MME: variants seen among roughly 807,000 people sequenced by gnomAD.
MME encodes the protein neprilysin.
A neutral mutation model predicts 113.2 loss-of-function variants in MME; 98 were observed. The observed-to-expected ratio is 0.87, with a 90% CI of 0.74 to 1.02. The LOEUF (loss-of-function observed/expected upper bound fraction) is 1.02, where lower values mean the gene tolerates loss of function less well. Among genes scored for constraint, MME ranks in the 50% least tolerant of loss-of-function variants. The pLI, the probability that MME is intolerant of heterozygous loss-of-function variation, is 0.00. For missense variants in MME, 836 were observed against 896.0 expected, an observed-to-expected ratio of 0.93 and a Z score of 0.86; for synonymous variants, 292 against 300.6, an observed-to-expected ratio of 0.97 and a Z score of 0.30.
intron 1 of MME, among the ~76,000 whole-genome samples, chr3:155,060,839 G>C (rs866477641): frequency 7.1e-5 from 10 of 141,306 alleles, no homozygotes; most frequent in African/African-American, 1.3e-4. Flanking sequence ...CAGAGAGAGA[G>C]AGAGAGAGAG....
chr3:155,041,957 C>G (rs1576665370), intron 1 of MME, among the ~76,000 whole-genome samples: 1 of 152,230 alleles, frequency 6.6e-6, no homozygotes, highest in East Asian at 1.9e-4. Context: ...CTAAATATTT[C>G]TAAGCTTTTA....
intron 8 of MME, among the ~76,000 whole-genome samples, chr3:155,119,244 G>T (rs1718890487): frequency 6.6e-6 from 1 of 152,092 alleles, no homozygotes; most frequent in African/African-American, 2.4e-5. Flanking sequence ...AGAGAACTAT[G>T]CAGGTAGTGA....
rs777476150 is a variant in MME at position 155,143,519 on chromosome 3, C to A, written c.1265C>A (p.Ala422Asp). 22 of 1,612,594 alleles carry A rather than the reference C, an allele frequency of 1.4e-5. No individual in the cohort carries two copies. Among genetic ancestry groups the A allele is most frequent in the Non-Finnish European group, 1.9e-5 (22 of 1,178,990 alleles). The change falls in exon 13 of 23, where the codon GCT becomes GAT. Residue 422 changes from alanine (A) to aspartate (D), a missense_variant. Ala to Asp is a moderately radical substitution (Grantham distance 126). Coordinates refer to ENST00000360490, the MANE Select transcript of MME (RefSeq NM_007289.4). Reference sequence around the variant, plus strand: ...TATGTCAATGGGAATATGGAAAATGCTGTGGGGAGGCTTTATGTGGAAGCA... The same window carrying A: ...TATGTCAATGGGAATATGGAAAATGATGTGGGGAGGCTTTATGTGGAAGCA... ...ANYVNGNMEN[A>D]VGRLYVEAAF... is the part of the protein sequence containing the mutation.
At chr3:155,147,111 T>C in intron 14 of MME, 33 bp from the exon 15 acceptor site, 2 of 1,339,482 alleles carry the variant, frequency 1.5e-6, no homozygotes, top group Non-Finnish European at 2.2e-6. Flanking sequence ...AGTTATATAA[T>C]CATCTTCACA....
At chr3:155,110,347 AGTG>A (rs752665880) in intron 3 of MME, among the ~76,000 whole-genome samples, 7 of 152,214 alleles carry the variant, frequency 4.6e-5, no homozygotes, top group Non-Finnish European at 8.8e-5. Context: ...ACAGCTAAAA[AGTG>A]GTGGAGCTCT....
At chr3:155,084,081 T>A (rs1715421721) in intron 1 of MME, 77 bp from the exon 2 acceptor site, 1 of 1,265,636 alleles carries the variant, frequency 7.9e-7, no homozygotes, top group Admixed American at 1.7e-5. Context: ...TTTACTTTTA[T>A]CCAGCCACAT....
At chr3:155,161,135 T>G (rs990545490) in intron 17 of MME, among the ~76,000 whole-genome samples, 1 of 152,136 alleles carries the variant, frequency 6.6e-6, no homozygotes, top group African/African-American at 2.4e-5. Context: ...TATTTTCTTC[T>G]TCTTGGGAAG....
intron 1 of MME, among the ~76,000 whole-genome samples, chr3:155,031,775 A>G (rs1373356678): frequency 6.6e-6 from 1 of 152,166 alleles, no homozygotes. Context: ...CTCCTGCCTC[A>G]GCCTCCCAAG....
chr3:155,043,865 T>A lies in MME; in HGVS notation c.-11+19541T>A, dbSNP rs181961818. 3.9e-5 allele frequency among the ~76,000 whole-genome samples: 6 copies of A among 152,254 alleles called. No individual in the cohort carries two copies. The East Asian group carries it at 9.7e-4, about 25-fold the overall frequency. On this transcript the variant is annotated intron_variant, in intron 1 of 22. Transcript: ENST00000492661. Reference sequence around the variant, plus strand: ...CTTGCTATACTTACATGTTTACTTTTACGAATTTACTCTGTTAGTATTTTG... The same window carrying A: ...CTTGCTATACTTACATGTTTACTTTAACGAATTTACTCTGTTAGTATTTTG...
At chr3:155,101,823 C>T (rs2108218056) in intron 3 of MME, among the ~76,000 whole-genome samples, 1 of 152,262 alleles carries the variant, frequency 6.6e-6, no homozygotes, top group East Asian at 1.9e-4. Flanking sequence ...AACCGGGATT[C>T]AGTCTCACTG....
At chr3:155,093,218 A>G (rs756816470) in intron 3 of MME, among the ~76,000 whole-genome samples, 10 of 152,142 alleles carry the variant, frequency 6.6e-5, no homozygotes, top group Non-Finnish European at 1.0e-4. Context: ...TTTTCAATGT[A>G]GTTTTCAAAT....
Position 155,183,242 on chromosome 3 carries a change from C to G in MME, c.*2783C>G, listed in dbSNP as rs1419289506. Reference sequence around the variant, plus strand: ...ATTCTGCCACTCCTGACAGGGTGACCTTGGGTATTTGCAATATTCCTTTGG... The same window carrying G: ...ATTCTGCCACTCCTGACAGGGTGACGTTGGGTATTTGCAATATTCCTTTGG... On this transcript the variant is annotated 3_prime_UTR_variant, in exon 23 of 23. Transcript: ENST00000360490. The G allele has an allele frequency of 6.6e-6, 1 of 152,110 alleles. No homozygotes were observed. Among genetic ancestry groups the G allele is most frequent in the Non-Finnish European group, 1.5e-5 (1 of 68,052 alleles). The allele number at this position is 152,110 out of a possible 1,614,324, so 9.4% of individuals were successfully genotyped here.
At chr3:155,078,045 TACACACACACAC>T (rs34585642), upstream of MME, among the ~76,000 whole-genome samples, 131 of 139,838 alleles carry the variant, frequency 9.4e-4, no homozygotes, top group African/African-American at 3.2e-3. Flanking sequence ...AAAGTAAAAG[TACACACACACAC>T]ACACACACAC....
intron 7 of MME, among the ~76,000 whole-genome samples, chr3:155,117,569 A>G (rs899530469): frequency 6.6e-6 from 1 of 150,766 alleles, no homozygotes; most frequent in African/African-American, 2.4e-5. Flanking sequence ...GAAAAATATA[A>G]AGAGTTTTTC....
chr3:155,163,745 G>T (rs954972625), intron 17 of MME, among the ~76,000 whole-genome samples: 1 of 152,078 alleles, frequency 6.6e-6, no homozygotes, highest in African/African-American at 2.4e-5. Flanking sequence ...AATACCTTGA[G>T]ATAGTTAAAT....
rs1719592287 is a variant in MME, at chr3:155,125,673, G to A, written c.720+6862G>A. Among the ~76,000 whole-genome samples the A allele has an allele frequency of 5.9e-5, 9 of 151,770 alleles. 1 individual carries two copies. The South Asian group carries it at 1.7e-3, about 28-fold the overall frequency. On this transcript the variant is annotated intron_variant, in intron 8 of 22. Transcript: ENST00000360490. ...ACGGGGTTTCACCATTTTGGCCAGT[G>A]TGGTCTCGAACTCCTGACTTTGTGG...
chr3:155,116,713 C>A lies in MME; in HGVS notation c.489C>A (p.Asp163Glu). 1 of 1,613,440 alleles carries A rather than the reference C, an allele frequency of 6.2e-7. No homozygotes were observed. The highest frequency in any genetic ancestry group is 1.1e-5 in the South Asian group (1 of 91,038). Residue 163 changes from aspartate (D) to glutamate (E), a missense_variant, in exon 6 of 23, where the codon GAC (aspartate) becomes GAA (glutamate). Physicochemically the swap from Asp to Glu is conservative, Grantham distance 45. Transcript: ENST00000360490. ...GGEPLLKLLP[D>E]IYGWPVATEN... ...AACCTCTACTCAAACTGTTACCAGA[C>A]ATATATGGGTGGCCAGTAGCAACAG...
At chr3:155,160,511 G>T in intron 17 of MME, 63 bp downstream of exon 17, 1 of 1,076,552 alleles carries the variant, frequency 9.3e-7, no homozygotes, top group Admixed American at 1.7e-5. Flanking sequence ...GTAGTGCATT[G>T]TATGACCAAT....
At chr3:155,169,115 A>G (rs1183293984) in intron 20 of MME, among the ~76,000 whole-genome samples, 1 of 152,136 alleles carries the variant, frequency 6.6e-6, no homozygotes, top group Non-Finnish European at 1.5e-5. Flanking sequence ...CTCTGGAATA[A>G]TTTTTTTAGA....
Sources: allele counts gnomAD v4.1 joint callset (sites outside exome capture counted in the v4.1 genomes callset), GRCh38; gene constraint gnomAD v4.1.1; transcripts MANE v1.5; gene names NCBI Gene and HGNC (gene_info 2026-07-23, HGNC 2026-07-21).